Variants in CCDC150 observed in about 807,000 individuals in gnomAD.
The protein encoded by CCDC150 is coiled-coil domain containing 150.
CCDC150 carries 151 observed loss-of-function variants against 156.5 expected under a neutral mutation model. The ratio of observed to expected loss-of-function variants is 0.97; its 90% confidence interval spans 0.85 to 1.10. The LOEUF (loss-of-function observed/expected upper bound fraction) is 1.10, where lower values mean the gene tolerates loss of function less well. CCDC150 is among the 50% of genes least tolerant of loss of function. CCDC150 has a pLI of 0.00. For synonymous variants in CCDC150, 452 were observed against 429.4 expected (o/e 1.05, Z -0.65); for missense variants, 1,312 against 1,268.1 (o/e 1.03, Z -0.53).
chr2:196,656,615 A>T lies in CCDC150; in HGVS notation c.177-18A>T. 6.5e-7 allele frequency: 1 copy of T among 1,549,476 alleles called. No homozygotes were observed. The highest frequency in any genetic ancestry group is 8.8e-7 in the Non-Finnish European group (1 of 1,132,308). On this transcript the variant is annotated intron_variant, in intron 2 of 27. Transcript: ENST00000389175. Reference sequence around the variant, plus strand: ...AAATTGCATTGCATAATATTGTTATATTGGGATCTTTGTCCAGAGGCTATT... The same window carrying T: ...AAATTGCATTGCATAATATTGTTATTTTGGGATCTTTGTCCAGAGGCTATT...
chr2:196,719,560 T>C lies in CCDC150; in HGVS notation c.2059T>C (p.Leu687=), dbSNP rs1697755694. 1.2e-6 allele frequency: 2 copies of C among 1,613,020 alleles called. No homozygotes were observed. The highest frequency in any genetic ancestry group is 1.1e-5 in the South Asian group (1 of 90,878). The change falls in exon 19 of 28, where the codon TTG becomes CTG. Residue 687 remains leucine (L), a synonymous_variant. Transcript: ENST00000389175. ...AGACAACTGCAAAGTCACAATCATG[T>C]TGGAGAATGTGCTGGCTTCTCACAG... ...KEDNCKVTIM[L]ENVLASHSKM... is the part of the protein sequence containing the mutation.
chr2:196,673,661 A>G (rs534770115), intron 9 of CCDC150, among the ~76,000 whole-genome samples: 2 of 152,312 alleles, frequency 1.3e-5, no homozygotes, highest in African/African-American at 4.8e-5. Context: ...ATAACTGATA[A>G]TTGAGATAAA....
chr2:196,711,117 A>G (rs559588857), intron 15 of CCDC150, among the ~76,000 whole-genome samples: 1 of 152,292 alleles, frequency 6.6e-6, no homozygotes, highest in Non-Finnish European at 1.5e-5. Flanking sequence ...CTTGTTTTTT[A>G]CAGTTAATTT....
intron 2 of CCDC150, among the ~76,000 whole-genome samples, chr2:196,654,475 C>G (rs1693071081): frequency 6.6e-6 from 1 of 151,680 alleles, no homozygotes; most frequent in Non-Finnish European, 1.5e-5. Flanking sequence ...GGATGATTTT[C>G]AGTTACCTGT....
At chr2:196,652,492 T>G (rs1692947867) in intron 2 of CCDC150, among the ~76,000 whole-genome samples, 1 of 152,400 alleles carries the variant, frequency 6.6e-6, no homozygotes, top group East Asian at 1.9e-4. Flanking sequence ...CACACTGGTA[T>G]GCCAGATGGG....
intron 13 of CCDC150, 83 bp from the exon 14 acceptor site, chr2:196,694,963 G>T: frequency 1.4e-6 from 1 of 712,066 alleles, no homozygotes. Context: ...CCATTTTACA[G>T]TTGTAATTGT....
chr2:196,728,365 A>G (rs1282783814), intron 22 of CCDC150, among the ~76,000 whole-genome samples: 1 of 152,208 alleles, frequency 6.6e-6, no homozygotes, highest in East Asian at 1.9e-4. Context: ...AGGAACTAGT[A>G]TAGAGAGAAA....
chr2:196,654,103 C>T (rs968809883), intron 2 of CCDC150, among the ~76,000 whole-genome samples: 2 of 152,112 alleles, frequency 1.3e-5, no homozygotes, highest in Non-Finnish European at 2.9e-5. Flanking sequence ...GAGTGAGCTG[C>T]CCCATGACCC....
intron 10 of CCDC150, among the ~76,000 whole-genome samples, 190 bp downstream of exon 10, chr2:196,674,538 A>G (rs886612711): frequency 6.6e-6 from 1 of 152,126 alleles, no homozygotes; most frequent in Admixed American, 6.6e-5. Flanking sequence ...AGGGCTTTTC[A>G]TGATTTCTTC....
At chr2:196,656,371 C>T (rs1693187507) in intron 2 of CCDC150, among the ~76,000 whole-genome samples, 1 of 152,082 alleles carries the variant, frequency 6.6e-6, no homozygotes, top group Non-Finnish European at 1.5e-5. Context: ...TGGATATTTT[C>T]TCAGTTGCCG....
Position 196,720,656 on chromosome 2 carries a change from G to T in CCDC150, c.2247G>T (p.Gln749His). ...CCAGGATGCTTGTCATGGAGGACCAGCACAACAGTGAGGTTGGAGCCAGGC... is the reference window on the plus strand; with the variant it reads ...CCAGGATGCTTGTCATGGAGGACCATCACAACAGTGAGGTTGGAGCCAGGC... Reference protein sequence around the residue: ...WQARMLVMEDQHNSEIESLQK... With the variant: ...WQARMLVMEDHHNSEIESLQK... The change falls in exon 20 of 28, where the codon CAG becomes CAT. Residue 749 changes from glutamine to histidine, a missense_variant. Coordinates refer to ENST00000389175, the MANE Select transcript of CCDC150 (RefSeq NM_001080539.2). 1 of 1,613,654 alleles carries T rather than the reference G, an allele frequency of 6.2e-7. No homozygotes were observed. Among genetic ancestry groups the T allele is most frequent in the Non-Finnish European group, 8.5e-7 (1 of 1,179,668 alleles).
At position 196,646,433 on chromosome 2, in the gene CCDC150, G is replaced by T. The variant is rs1470510180; in HGVS notation, c.105G>T (p.Arg35Ser). 6.2e-7 allele frequency: 1 copy of T among 1,613,826 alleles called. No homozygotes were observed. Residue 35 changes from arginine to serine, a missense_variant, in exon 2 of 28, where the codon AGG becomes AGT. By Grantham distance (110) the Arg-to-Ser change is moderately radical. Coordinates refer to ENST00000389175, the MANE Select transcript of CCDC150 (RefSeq NM_001080539.2). The stretch of plus-strand genomic sequence containing the variant: ...AAACATTCACAGTACTTCAGCAAAG[G>T]ATGAGAATAGTTGAGGAACAGACCA... ...ASETFTVLQQ[R>S]MRIVEEQTSS...
In CCDC150 at chr2:196,729,841, CAG is replaced by C. The variant is rs1559283708; in HGVS notation, c.2802_2803del (p.Lys936GlufsTer3). 1 of 1,597,990 alleles carries C rather than the reference CAG, an allele frequency of 6.3e-7. No individual in the cohort carries two copies. Among genetic ancestry groups the C allele is most frequent in the South Asian group, 1.1e-5 (1 of 88,738 alleles). On this transcript the variant is annotated frameshift_variant, in exon 24 of 28. Transcript: ENST00000389175. LOFTEE classifies it high-confidence loss of function. ...KQMELIKDQY[Q>X]KKNYEQSLSI... Reference sequence around the variant, plus strand: ...AATGGAGCTAATTAAGGATCAATATCAGAAAAAGAACTATGAACAGGTAGATG... The same window carrying C: ...AATGGAGCTAATTAAGGATCAATATCAAAAAGAACTATGAACAGGTAGATG...
intron 6 of CCDC150, 69 bp from the exon 7 acceptor site, chr2:196,666,650 A>T (rs1382221553): frequency 7.7e-7 from 1 of 1,291,066 alleles, no homozygotes; most frequent in Non-Finnish European, 1.1e-6. Context: ...TGCCTTATAC[A>T]TGTGCTATAA....
chr2:196,704,346 C>T (rs898004968), intron 15 of CCDC150, among the ~76,000 whole-genome samples: 2 of 152,022 alleles, frequency 1.3e-5, no homozygotes, highest in African/African-American at 2.4e-5. Flanking sequence ...GATGGATAAT[C>T]GGCTAGTTCT....
In CCDC150 at chr2:196,730,960, C is replaced by A; in HGVS notation, c.3069+15C>A. The A allele has an allele frequency of 1.9e-6, 3 of 1,577,950 alleles. No individual in the cohort carries two copies. The highest frequency in any genetic ancestry group is 2.6e-6 in the Non-Finnish European group (3 of 1,161,064). ...AATCAGAACAGGTGAGCCAGACCCA[C>A]GGACATAAAGACTTAGACGTTTCCT... On this transcript the variant is annotated intron_variant, in intron 26 of 27. Coordinates refer to ENST00000389175, the MANE Select transcript of CCDC150 (RefSeq NM_001080539.2).
intron 13 of CCDC150, among the ~76,000 whole-genome samples, chr2:196,689,741 T>A (rs1312961243): frequency 6.6e-6 from 1 of 152,046 alleles, no homozygotes; most frequent in Non-Finnish European, 1.5e-5. Flanking sequence ...CTTTATTTCC[T>A]TCTCCTGCCT....
intron 14 of CCDC150, among the ~76,000 whole-genome samples, chr2:196,700,139 G>A (rs1345999798): frequency 6.6e-6 from 1 of 152,142 alleles, no homozygotes; most frequent in Non-Finnish European, 1.5e-5. Context: ...CACAGAATAA[G>A]CAAATATAAA....
chr2:196,704,327 T>C (rs2125672999), intron 15 of CCDC150, among the ~76,000 whole-genome samples: 1 of 152,300 alleles, frequency 6.6e-6, no homozygotes, highest in South Asian at 2.1e-4. Context: ...ATGTATTTAT[T>C]CCTCTGTTGA....
Sources: allele counts gnomAD v4.1 joint callset (sites outside exome capture counted in the v4.1 genomes callset), GRCh38; gene constraint gnomAD v4.1.1; transcripts MANE v1.5; gene names NCBI Gene and HGNC (gene_info 2026-07-23, HGNC 2026-07-21).